DHRS7B: variants seen among roughly 807,000 people sequenced by gnomAD.
DHRS7B encodes the protein peroxisomal reductase activating PPAR-gamma.
In DHRS7B, 24 loss-of-function variants were observed where a neutral mutation model predicts 26.4. That is an observed-to-expected ratio of 0.91 (90% CI 0.66 to 1.28). The LOEUF is 1.28. DHRS7B is among the 50% of genes most tolerant of loss of function. DHRS7B has a pLI of 0.00. For missense variants in DHRS7B, 368 were observed against 419.4 expected, an observed-to-expected ratio of 0.88 and a Z score of 1.07; for synonymous variants, 142 against 166.4, an observed-to-expected ratio of 0.85 and a Z score of 1.13.
chr17:21,160,696 A>G (rs1047834854), intron 1 of DHRS7B, among the ~76,000 whole-genome samples: 1 of 152,256 alleles, frequency 6.6e-6, no homozygotes, highest in African/African-American at 2.4e-5. Context: ...CTCTTAACAT[A>G]CACCACAGTA....
At chr17:21,153,204 TAAG>T (rs1275394188) in intron 1 of DHRS7B, among the ~76,000 whole-genome samples, 6 of 152,010 alleles carry the variant, frequency 3.9e-5, no homozygotes, top group Admixed American at 3.9e-4. Flanking sequence ...ATGAAAAATC[TAAG>T]AAGAAAAACA....
chr17:21,133,448 G>A (rs1973281688), intron 1 of DHRS7B, among the ~76,000 whole-genome samples: 1 of 152,238 alleles, frequency 6.6e-6, no homozygotes, highest in African/African-American at 2.4e-5. Context: ...GTCACAGATA[G>A]GTGAGAGACA....
At position 21,188,833 on chromosome 17, in the gene DHRS7B, G is replaced by T; in HGVS notation, c.742G>T (p.Ala248Ser). The T allele has an allele frequency of 6.2e-7, 1 of 1,614,158 alleles. No homozygotes were observed. Among genetic ancestry groups the T allele is most frequent in the Non-Finnish European group, 8.5e-7 (1 of 1,180,008 alleles). Reference sequence around the variant, plus strand: ...CATCCACACCAACCTCTCTGTAAATGCCATCACCGCGGATGGATCTAGGTA... The same window carrying T: ...CATCCACACCAACCTCTCTGTAAATTCCATCACCGCGGATGGATCTAGGTA... ...GYIHTNLSVN[A>S]ITADGSRYGV... is the part of the protein sequence containing the mutation. The change falls in exon 6 of 7, where the codon GCC becomes TCC. Residue 248 changes from alanine (A) to serine (S), a missense_variant. Coordinates refer to ENST00000395511, the MANE Select transcript of DHRS7B (RefSeq NM_015510.5).
chr17:21,168,517 C>T (rs1440742398), intron 1 of DHRS7B, among the ~76,000 whole-genome samples: 1 of 152,098 alleles, frequency 6.6e-6, no homozygotes, highest in Non-Finnish European at 1.5e-5. Context: ...TACAGACGTG[C>T]ACTACCATAC....
At chr17:21,138,101 T>TACACACACACACAC (rs370861401) in intron 1 of DHRS7B, among the ~76,000 whole-genome samples, 182 of 86,068 alleles carry the variant, frequency 2.1e-3, no homozygotes, top group Middle Eastern at 7.1e-3. Flanking sequence ...TATATATATA[T>TACACACACACACAC]ACACACACAC....
At chr17:21,151,742 G>A (rs1448111284) in intron 1 of DHRS7B, among the ~76,000 whole-genome samples, 2 of 152,148 alleles carry the variant, frequency 1.3e-5, no homozygotes, top group African/African-American at 4.8e-5. Flanking sequence ...TTGACAAATT[G>A]CTGGAGACTC....
At chr17:21,158,232 C>T (rs1484527806) in intron 1 of DHRS7B, among the ~76,000 whole-genome samples, 1 of 152,138 alleles carries the variant, frequency 6.6e-6, no homozygotes, top group East Asian at 1.9e-4. Flanking sequence ...TTTTCCCACC[C>T]AAATCTCATA....
chr17:21,160,369 A>T (rs1357379346), intron 1 of DHRS7B, among the ~76,000 whole-genome samples: 1 of 152,206 alleles, frequency 6.6e-6, no homozygotes, highest in African/African-American at 2.4e-5. Context: ...AAATAAAAAA[A>T]TTTAAAAAAT....
chr17:21,131,390 C>G (rs1393608802), intron 1 of DHRS7B, among the ~76,000 whole-genome samples: 1 of 152,222 alleles, frequency 6.6e-6, no homozygotes, highest in African/African-American at 2.4e-5. Context: ...CTTGACATTG[C>G]CATGGCATTT....
At chr17:21,180,346 T>C (rs1974489555) in intron 3 of DHRS7B, among the ~76,000 whole-genome samples, 1 of 151,890 alleles carries the variant, frequency 6.6e-6, no homozygotes, top group East Asian at 1.9e-4. Context: ...ATGTTGGGAT[T>C]ACAGGTGTTA....
rs1973572006 is a variant in DHRS7B at position 21,143,492 on chromosome 17, T to C, written c.20+16501T>C. 3.3e-5 allele frequency among the ~76,000 whole-genome samples: 5 copies of C among 152,234 alleles called. 1 individual carries two copies. The South Asian group carries it at 1.0e-3, about 32-fold the overall frequency. Reference sequence around the variant, plus strand: ...TTAGAAATAAAAATGTACTTCAGATTTGTGAAGTTGGCATATATAGTGTTT... The same window carrying C: ...TTAGAAATAAAAATGTACTTCAGATCTGTGAAGTTGGCATATATAGTGTTT... On this transcript the variant is annotated intron_variant, in intron 1 of 6. Coordinates refer to ENST00000395511, the MANE Select transcript of DHRS7B (RefSeq NM_015510.5).
intron 6 of DHRS7B, among the ~76,000 whole-genome samples, chr17:21,190,464 CTCTG>C (rs1281333624): frequency 1.3e-5 from 2 of 152,330 alleles, no homozygotes; most frequent in South Asian, 2.1e-4. Context: ...CCCCACCCAC[CTCTG>C]TCTGGCCATC....
chr17:21,154,569 A>G (rs1242410439), intron 1 of DHRS7B, among the ~76,000 whole-genome samples: 1 of 152,222 alleles, frequency 6.6e-6, no homozygotes, highest in African/African-American at 2.4e-5. Context: ...AAAGAAAATG[A>G]TATGAGTCAG....
intron 1 of DHRS7B, among the ~76,000 whole-genome samples, chr17:21,137,460 ATT>A (rs996135932): frequency 3.8e-5 from 5 of 132,808 alleles, no homozygotes; most frequent in Non-Finnish European, 3.3e-5. Flanking sequence ...CGCCTGGCTA[ATT>A]TTTTTTTTTT....
intron 1 of DHRS7B, among the ~76,000 whole-genome samples, chr17:21,167,278 A>C (rs2144090164): frequency 6.6e-6 from 1 of 152,324 alleles, no homozygotes; most frequent in Non-Finnish European, 1.5e-5. Context: ...AGAATCACAG[A>C]GAGAAGCCCC....
At chr17:21,145,322 T>C (rs1378567761) in intron 1 of DHRS7B, among the ~76,000 whole-genome samples, 2 of 142,114 alleles carry the variant, frequency 1.4e-5, no homozygotes, top group Non-Finnish European at 3.1e-5. Context: ...AGACGCCGTC[T>C]AAAAAAAAAA....
At chr17:21,166,093 A>T in intron 1 of DHRS7B, 1 of 953,928 alleles carries the variant, frequency 1.0e-6, no homozygotes, top group African/African-American at 1.8e-5. Context: ...ATCATATTAC[A>T]GGGCCCGGGG....
At chr17:21,154,476 G>T (rs1973838142) in intron 1 of DHRS7B, among the ~76,000 whole-genome samples, 1 of 152,140 alleles carries the variant, frequency 6.6e-6, no homozygotes, top group South Asian at 2.1e-4. Flanking sequence ...GACTTTCTCA[G>T]ACCAAAAATA....
intron 5 of DHRS7B, among the ~76,000 whole-genome samples, chr17:21,186,378 T>A (rs1974635388): frequency 6.6e-6 from 1 of 152,156 alleles, no homozygotes; most frequent in African/African-American, 2.4e-5. Context: ...GAGTGTAGCC[T>A]TCTGTTTTGG....
Sources: allele counts gnomAD v4.1 joint callset (sites outside exome capture counted in the v4.1 genomes callset), GRCh38; gene constraint gnomAD v4.1.1; transcripts MANE v1.5; gene names NCBI Gene and HGNC (gene_info 2026-07-23, HGNC 2026-07-21).